Variants in FMN1 observed in about 807,000 individuals in gnomAD.
FMN1 encodes the protein formin 1, also known as formin-1.
FMN1 carries 110 observed loss-of-function variants against 132.4 expected under a neutral mutation model. That is an observed-to-expected ratio of 0.83 (90% CI 0.71 to 0.97). The LOEUF is 0.97. Ranked by LOEUF, FMN1 falls within the 50% of genes least tolerant of loss-of-function variation. The pLI is 0.00. For missense variants in FMN1, 1,792 were observed against 1,705.3 expected, an observed-to-expected ratio of 1.05 and a Z score of -0.90; for synonymous variants, 722 against 651.7, an observed-to-expected ratio of 1.11 and a Z score of -1.64.
chr15:32,888,745 A>T (rs150632036), intron 15 of FMN1, among the ~76,000 whole-genome samples: 147 of 152,292 alleles, frequency 9.7e-4, no homozygotes, highest in African/African-American at 3.3e-3. Context: ...GCAATGGAAG[A>T]TACAATCACC....
At chr15:32,976,269 A>T (rs993857688) in intron 7 of FMN1, among the ~76,000 whole-genome samples, 4 of 152,104 alleles carry the variant, frequency 2.6e-5, no homozygotes, top group African/African-American at 9.7e-5. Context: ...ACCTCTGAAA[A>T]GTGCAGCGTG....
intron 16 of FMN1, among the ~76,000 whole-genome samples, chr15:32,867,876 T>G (rs1425344123): frequency 1.3e-5 from 2 of 152,204 alleles, no homozygotes; most frequent in Admixed American, 6.5e-5. Context: ...CCCCTTTTCA[T>G]GATTATTGGA....
chr15:32,966,318 G>T (rs1157075084), intron 8 of FMN1, among the ~76,000 whole-genome samples: 1 of 152,220 alleles, frequency 6.6e-6, no homozygotes. Context: ...TATGGGAAAG[G>T]TATTTCCAAT....
At chr15:33,149,865 T>G in intron 4 of FMN1, 1 of 983,540 alleles carries the variant, frequency 1.0e-6, no homozygotes, top group African/African-American at 1.7e-5. Flanking sequence ...ATAATGTATA[T>G]CCACAGAGAC....
chr15:33,175,010 T>C (rs530478014), intron 3 of FMN1, among the ~76,000 whole-genome samples: 1 of 151,892 alleles, frequency 6.6e-6, no homozygotes, highest in Non-Finnish European at 1.5e-5. Context: ...GTAAAACTAG[T>C]TTCCTTTCAG....
chr15:32,792,066 G>GT (rs1391169337), intron 19 of FMN1, among the ~76,000 whole-genome samples: 2 of 152,028 alleles, frequency 1.3e-5, no homozygotes, highest in Non-Finnish European at 2.9e-5. Flanking sequence ...AAGAAACAGA[G>GT]GAACTAAGGA....
chr15:32,910,780 CA>C, intron 10 of FMN1, among the ~76,000 whole-genome samples: 1 of 152,330 alleles, frequency 6.6e-6, no homozygotes, highest in Non-Finnish European at 1.5e-5. Flanking sequence ...GTCCTTTCTG[CA>C]GTTTAATTTA....
At chr15:33,112,374 G>A (rs991089811) in intron 4 of FMN1, among the ~76,000 whole-genome samples, 2 of 152,066 alleles carry the variant, frequency 1.3e-5, no homozygotes, top group South Asian at 4.1e-4. Flanking sequence ...GAGGTGGTTG[G>A]ATTATAGAAG....
chr15:33,066,672 A>C, intron 5 of FMN1: 1 of 1,613,712 alleles, frequency 6.2e-7, no homozygotes, highest in African/African-American at 1.3e-5. Context: ...AGGGCTTTAA[A>C]AGCCTCCAGG....
chr15:33,111,611 T>C (rs1351268077), intron 4 of FMN1, among the ~76,000 whole-genome samples: 1 of 152,158 alleles, frequency 6.6e-6, no homozygotes, highest in African/African-American at 2.4e-5. Flanking sequence ...AAACAAAATG[T>C]GCTATATCCA....
At chr15:33,085,349 G>A (rs1208582283) in intron 5 of FMN1, among the ~76,000 whole-genome samples, 1 of 151,960 alleles carries the variant, frequency 6.6e-6, no homozygotes, top group Non-Finnish European at 1.5e-5. Flanking sequence ...TCCAAAGAGG[G>A]GAGAAGGGCT....
chr15:32,871,407 T>C (rs2059513605), intron 16 of FMN1, among the ~76,000 whole-genome samples: 2 of 152,234 alleles, frequency 1.3e-5, no homozygotes. Flanking sequence ...TAACATATCA[T>C]GCACACATTC....
intron 8 of FMN1, among the ~76,000 whole-genome samples, chr15:32,965,572 G>C (rs897743645): frequency 3.3e-4 from 50 of 152,052 alleles, no homozygotes; most frequent in African/African-American, 1.1e-3. Flanking sequence ...TACATGGAAT[G>C]GTCCACAGAA....
At chr15:33,178,008 C>CA (rs1965573164) in intron 3 of FMN1, among the ~76,000 whole-genome samples, 1 of 151,306 alleles carries the variant, frequency 6.6e-6, no homozygotes, top group African/African-American at 2.4e-5. Context: ...AACTCTGTCT[C>CA]AAAAAAGAAA....
intron 10 of FMN1, among the ~76,000 whole-genome samples, chr15:32,917,408 G>T (rs1254022080): frequency 1.3e-5 from 2 of 152,164 alleles, no homozygotes; most frequent in South Asian, 4.1e-4. Flanking sequence ...ACGCTTAAGG[G>T]CACCAATTAA....
chr15:33,128,303 T>G (rs1011875582), intron 4 of FMN1, among the ~76,000 whole-genome samples: 3 of 152,208 alleles, frequency 2.0e-5, no homozygotes, highest in Admixed American at 2.0e-4. Context: ...ACATGGCTGC[T>G]GACTAGGCCC....
At chr15:32,909,371 A>G (rs773879404) in intron 11 of FMN1, among the ~76,000 whole-genome samples, 1 of 152,202 alleles carries the variant, frequency 6.6e-6, no homozygotes, top group African/African-American at 2.4e-5. Flanking sequence ...TTAGCTCCCA[A>G]TGGCCTGGTA....
chr15:33,073,887 C>T (rs1448173472), intron 5 of FMN1, among the ~76,000 whole-genome samples: 6 of 152,038 alleles, frequency 3.9e-5, no homozygotes, highest in African/African-American at 7.2e-5. Flanking sequence ...CGTGTCACCA[C>T]GACCGACTAA....
intron 3 of FMN1, among the ~76,000 whole-genome samples, chr15:33,161,094 T>A (rs1349759484): frequency 3.3e-5 from 5 of 152,250 alleles, no homozygotes; most frequent in African/African-American, 9.6e-5. Flanking sequence ...ATGCAAAGCT[T>A]TCTTTGCCTA....
Sources: allele counts gnomAD v4.1 joint callset (sites outside exome capture counted in the v4.1 genomes callset), GRCh38; gene constraint gnomAD v4.1.1; transcripts MANE v1.5; gene names NCBI Gene and HGNC (gene_info 2026-07-23, HGNC 2026-07-21).